Variants in GRID2 observed in about 807,000 individuals in gnomAD.
The protein encoded by GRID2 is glutamate receptor ionotropic, delta-2.
Under a neutral mutation model 114.8 loss-of-function variants are expected in GRID2, and 33 were observed. The ratio of observed to expected loss-of-function variants is 0.29; its 90% CI spans 0.22 to 0.38. The LOEUF (loss-of-function observed/expected upper bound fraction) is 0.38. GRID2 is among the 10% of genes least tolerant of loss of function. The probability of loss-of-function intolerance (pLI) is 1.00; values close to 1 mark genes in which losing one functional copy is unlikely to be tolerated. For missense variants in GRID2, 1,184 were observed against 1,257.7 expected, an observed-to-expected ratio of 0.94 and a Z score of 0.89; for synonymous variants, 505 against 449.9, an observed-to-expected ratio of 1.12 and a Z score of -1.55.
intron 2 of GRID2, among the ~76,000 whole-genome samples, chr4:92,667,456 T>G (rs953420643): frequency 2.0e-5 from 3 of 151,402 alleles, no homozygotes; most frequent in Non-Finnish European, 1.5e-5. Flanking sequence ...ATGTTTCACT[T>G]ATTATTAGAA....
intron 2 of GRID2, among the ~76,000 whole-genome samples, chr4:93,049,519 C>CA (rs1206738037): frequency 1.3e-5 from 2 of 151,150 alleles, no homozygotes; most frequent in Non-Finnish European, 3.0e-5. Context: ...ATCCCCCCCC[C>CA]AAAAAAATTA....
At chr4:93,163,384 A>ACAC (rs1737909976) in intron 4 of GRID2, among the ~76,000 whole-genome samples, 3 of 39,430 alleles carry the variant, frequency 7.6e-5, no homozygotes, top group African/African-American at 4.1e-4. Context: ...ATATATATAT[A>ACAC]TATATATATA....
chr4:93,046,176 T>C (rs544725523), intron 2 of GRID2, among the ~76,000 whole-genome samples: 2 of 152,076 alleles, frequency 1.3e-5, no homozygotes, highest in Admixed American at 6.6e-5. Context: ...CCTATAACCA[T>C]GAAATGCTCT....
chr4:93,458,638 T>G (rs1723427022), intron 11 of GRID2, among the ~76,000 whole-genome samples: 2 of 152,180 alleles, frequency 1.3e-5, no homozygotes, highest in African/African-American at 4.8e-5. Context: ...TTATGAGAAT[T>G]TATTAATGAA....
chr4:92,765,614 A>G (rs1738221111), intron 2 of GRID2, among the ~76,000 whole-genome samples: 1 of 152,204 alleles, frequency 6.6e-6, no homozygotes. Context: ...TACAAGAAAC[A>G]GTGACCTGTG....
chr4:92,445,166 T>A (rs1003947466), intron 1 of GRID2, among the ~76,000 whole-genome samples: 1 of 152,242 alleles, frequency 6.6e-6, no homozygotes, highest in Admixed American at 6.5e-5. Flanking sequence ...TTAACAGTGC[T>A]ACAAAGTAGA....
chr4:92,477,054 TGTGTGTGTGTG>T (rs1722351273), intron 1 of GRID2, among the ~76,000 whole-genome samples: 1 of 77,362 alleles, frequency 1.3e-5, no homozygotes, highest in Non-Finnish European at 3.1e-5. Context: ...TGTGTGTGTG[TGTGTGTGTGTG>T]TGTGTGTGTG....
At chr4:92,635,266 A>G (rs149065325) in intron 2 of GRID2, among the ~76,000 whole-genome samples, 1 of 152,160 alleles carries the variant, frequency 6.6e-6, no homozygotes, top group African/African-American at 2.4e-5. Flanking sequence ...TTAAATTGTG[A>G]TGGCTAAAGG....
chr4:92,428,756 A>G (rs1732286184), intron 1 of GRID2, among the ~76,000 whole-genome samples: 1 of 152,160 alleles, frequency 6.6e-6, no homozygotes, highest in Non-Finnish European at 1.5e-5. Context: ...TTATTTTATT[A>G]TGCCACTTCC....
intron 2 of GRID2, among the ~76,000 whole-genome samples, chr4:93,081,791 T>A (rs888064272): frequency 2.0e-5 from 3 of 152,200 alleles, no homozygotes; most frequent in Non-Finnish European, 4.4e-5. Context: ...TCAGTTCTCA[T>A]ACTATATCAA....
chr4:92,521,092 T>C, intron 1 of GRID2, among the ~76,000 whole-genome samples: 1 of 150,276 alleles, frequency 6.7e-6, no homozygotes, highest in African/African-American at 2.4e-5. Context: ...ACTACCTCAA[T>C]AAATAAATTT....
At chr4:93,761,986 G>T (rs1684887196) in intron 14 of GRID2, among the ~76,000 whole-genome samples, 1 of 152,146 alleles carries the variant, frequency 6.6e-6, no homozygotes, top group Admixed American at 6.6e-5. Context: ...TTTGAGAAGT[G>T]CTTCTGCTTC....
At chr4:93,290,386 T>A (rs1013664100) in intron 8 of GRID2, among the ~76,000 whole-genome samples, 12 of 152,282 alleles carry the variant, frequency 7.9e-5, no homozygotes, top group East Asian at 7.7e-4. Context: ...TTAGAAAAAA[T>A]TTTAAAAAAT....
intron 8 of GRID2, among the ~76,000 whole-genome samples, chr4:93,335,512 G>A (rs1018899094): frequency 2.6e-5 from 4 of 151,744 alleles, no homozygotes; most frequent in African/African-American, 9.7e-5. Context: ...CACTTATTTG[G>A]GCACAGGCAA....
chr4:93,596,804 G>T (rs1403970421), intron 13 of GRID2, among the ~76,000 whole-genome samples: 1 of 152,164 alleles, frequency 6.6e-6, no homozygotes, highest in African/African-American at 2.4e-5. Context: ...GTTTTTGATA[G>T]ATCAGATTTA....
chr4:92,951,872 C>T (rs912456261), intron 2 of GRID2, among the ~76,000 whole-genome samples: 1 of 152,024 alleles, frequency 6.6e-6, no homozygotes, highest in African/African-American at 2.4e-5. Flanking sequence ...TTTTATTAAT[C>T]TTTTATTCCT....
intron 4 of GRID2, among the ~76,000 whole-genome samples, chr4:93,175,830 T>G (rs1739303344): frequency 6.6e-6 from 1 of 152,140 alleles, no homozygotes; most frequent in African/African-American, 2.4e-5. Context: ...AGGAGCCTGG[T>G]TCTCTAGGAG....
intron 2 of GRID2, among the ~76,000 whole-genome samples, chr4:92,762,123 C>T (rs1250458505): frequency 6.6e-6 from 1 of 151,962 alleles, no homozygotes; most frequent in African/African-American, 2.4e-5. Flanking sequence ...CCATTTTGGC[C>T]AGGATGGTCT....
intron 9 of GRID2, among the ~76,000 whole-genome samples, chr4:93,405,688 T>G (rs1262124768): frequency 6.6e-6 from 1 of 152,182 alleles, no homozygotes. Flanking sequence ...CGAAATTACA[T>G]GAACTACATT....
Sources: gnomAD v4.1 joint callset for allele counts (sites outside exome capture counted in the v4.1 genomes callset) on GRCh38, gnomAD v4.1.1 for gene constraint, MANE v1.5 for transcripts, NCBI Gene and HGNC (gene_info 2026-07-23, HGNC 2026-07-21) for gene names.